Variants in DYSF observed in about 807,000 individuals in gnomAD.
DYSF encodes dysferlin.
A neutral mutation model predicts 274.9 loss-of-function variants in DYSF; 212 were observed. The observed-to-expected ratio is 0.77, with a 90% CI of 0.69 to 0.86. The LOEUF (loss-of-function observed/expected upper bound fraction) is 0.86. DYSF is among the 40% of genes least tolerant of loss of function. DYSF has a pLI of 0.00. For missense variants in DYSF, 2,666 were observed against 2,783.2 expected (o/e 0.96, Z 0.95); for synonymous variants, 1,091 against 1,078.7 (o/e 1.01, Z -0.22).
chr2:71,536,503 T>C (rs2152762866), intron 16 of DYSF, among the ~76,000 whole-genome samples: 2 of 152,348 alleles, frequency 1.3e-5, no homozygotes, highest in Middle Eastern at 3.4e-3. Context: ...TCATCTCCGC[T>C]CTCCATGTGT....
At position 71,601,492 on chromosome 2, in the gene DYSF, A is replaced by C. The variant is rs1574281542; in HGVS notation, c.3898-7A>C. ...ACATGACCAGAGCTCTCTTTTCTTC[A>C]CTCCAGCCGGCCATCCACCATATTC... On this transcript the variant is annotated splice_region_variant and splice_polypyrimidine_tract_variant and intron_variant, in intron 34 of 55. Coordinates refer to ENST00000410020, the MANE Select transcript of DYSF (RefSeq NM_001130987.2). 1 of 1,613,416 alleles carries C rather than the reference A, an allele frequency of 6.2e-7. No individual in the cohort carries two copies. The highest frequency in any genetic ancestry group is 1.6e-4 in the Middle Eastern group (1 of 6,062).
At chr2:71,522,131 G>T (rs1001435882) in intron 12 of DYSF, among the ~76,000 whole-genome samples, 3 of 151,712 alleles carry the variant, frequency 2.0e-5, no homozygotes, top group Admixed American at 2.0e-4. Flanking sequence ...CCTTCTCCAT[G>T]ATCTGTACCA....
chr2:71,548,626 C>G (rs1056715395), intron 17 of DYSF, among the ~76,000 whole-genome samples: 3 of 152,304 alleles, frequency 2.0e-5, no homozygotes, highest in African/African-American at 7.2e-5. Context: ...CAGAGCATTT[C>G]CTTCCGTGCT....
intron 41 of DYSF, among the ~76,000 whole-genome samples, chr2:71,633,867 C>T (rs1265987654): frequency 2.0e-5 from 3 of 152,178 alleles, no homozygotes; most frequent in Non-Finnish European, 2.9e-5. Context: ...TGCTTCCTGA[C>T]TTCACAGAAA....
At chr2:71,529,519 G>A (rs1332743737) in intron 14 of DYSF, among the ~76,000 whole-genome samples, 1 of 152,242 alleles carries the variant, frequency 6.6e-6, no homozygotes, top group East Asian at 1.9e-4. Context: ...ACTCAGAGTA[G>A]TTGATGTTCT....
intron 16 of DYSF, among the ~76,000 whole-genome samples, chr2:71,538,492 C>G (rs1479842683): frequency 1.3e-5 from 2 of 152,196 alleles, no homozygotes; most frequent in Non-Finnish European, 2.9e-5. Flanking sequence ...TGGGCTTGCC[C>G]TTCCTCTCCT....
At chr2:71,672,922 G>T (rs551033550) in intron 51 of DYSF, among the ~76,000 whole-genome samples, 1 of 152,228 alleles carries the variant, frequency 6.6e-6, no homozygotes, top group Non-Finnish European at 1.5e-5. Flanking sequence ...GGCCGTGGCT[G>T]GGTGCTTTGC....
At chr2:71,660,769 C>T in intron 45 of DYSF, 118 bp downstream of exon 45, 1 of 881,282 alleles carries the variant, frequency 1.1e-6, no homozygotes, top group South Asian at 1.4e-5. Flanking sequence ...AAACTGTATT[C>T]CTTAAATCTT....
At chr2:71,570,910 C>T (rs1434143170) in intron 29 of DYSF, 169 bp downstream of exon 29, 17 of 942,366 alleles carry the variant, frequency 1.8e-5, no homozygotes, top group African/African-American at 1.7e-4. Flanking sequence ...ACCCAAAGAT[C>T]ACACCCAGCA....
intron 46 of DYSF, 33 bp from the exon 47 acceptor site, chr2:71,665,129 G>A (rs770513026): frequency 1.2e-5 from 20 of 1,612,312 alleles, no homozygotes; most frequent in South Asian, 1.1e-5. Context: ...TGTCCTTGAA[G>A]CATCTCATCT....
At position 71,551,158 on chromosome 2, in the gene DYSF, T is replaced by A. The variant is rs398123771; in HGVS notation, c.1692+2T>A. On this transcript the variant is annotated splice_donor_variant, in intron 18 of 55. Coordinates refer to ENST00000410020, the MANE Select transcript of DYSF (RefSeq NM_001130987.2). LOFTEE classifies it high-confidence loss of function. ...TACACAGAGCTCAACACAGGCAAGG[T>A]AAGCCGGCTGGAGCCCTGGCAAGGG... 6.2e-7 allele frequency: 1 copy of A among 1,613,910 alleles called. No individual in the cohort carries two copies. The highest frequency in any genetic ancestry group is 1.3e-5 in the African/African-American group (1 of 74,918).
At chr2:71,686,296 C>T (rs528151508) in intron 55 of DYSF, among the ~76,000 whole-genome samples, 158 bp from the exon 56 acceptor site, 1 of 152,270 alleles carries the variant, frequency 6.6e-6, no homozygotes, top group South Asian at 2.1e-4. Context: ...GAGGGCGAGG[C>T]GTGGGCAGGT....
chr2:71,674,315 A>G lies in DYSF; in HGVS notation c.5884+19A>G. On this transcript the variant is annotated intron_variant, in intron 52 of 55. Coordinates refer to ENST00000410020, the MANE Select transcript of DYSF (RefSeq NM_001130987.2). ...TTTCTGGGTAAGCGCTATTGCTAGA[A>G]TCCCATTCTGCACATGGGGGCTGCC... The G allele has an allele frequency of 6.2e-7, 1 of 1,610,752 alleles. No individual in the cohort carries two copies. Among genetic ancestry groups the G allele is most frequent in the Non-Finnish European group, 8.5e-7 (1 of 1,176,902 alleles).
intron 41 of DYSF, among the ~76,000 whole-genome samples, chr2:71,633,051 C>G (rs979865382): frequency 2.0e-5 from 3 of 152,206 alleles, no homozygotes; most frequent in Admixed American, 2.0e-4. Context: ...TGATCCCCTC[C>G]ACAGATGAGG....
At chr2:71,516,614 A>T (rs940491415) in intron 9 of DYSF, among the ~76,000 whole-genome samples, 2 of 152,276 alleles carry the variant, frequency 1.3e-5, no homozygotes, top group African/African-American at 4.8e-5. Flanking sequence ...TTGTTAATCC[A>T]CGTGCCTGCT....
intron 30 of DYSF, among the ~76,000 whole-genome samples, chr2:71,577,429 A>G (rs2092742115): frequency 6.7e-6 from 1 of 149,880 alleles, no homozygotes; most frequent in Admixed American, 6.6e-5. Flanking sequence ...CACCTACACA[A>G]TCACACTCTC....
At chr2:71,558,541 C>G (rs760569990) in intron 22 of DYSF, among the ~76,000 whole-genome samples, 11 of 152,324 alleles carry the variant, frequency 7.2e-5, no homozygotes, top group African/African-American at 1.9e-4. Flanking sequence ...GGGTTCTACC[C>G]GTGGCCCTGC....
intron 55 of DYSF, among the ~76,000 whole-genome samples, chr2:71,685,682 C>T (rs1020638564): frequency 6.6e-6 from 1 of 152,210 alleles, no homozygotes; most frequent in Non-Finnish European, 1.5e-5. Flanking sequence ...CAGCTTCCCC[C>T]TCAGAGCCAG....
intron 41 of DYSF, among the ~76,000 whole-genome samples, chr2:71,620,888 G>C (rs1283642474): frequency 6.6e-6 from 1 of 152,134 alleles, no homozygotes; most frequent in Non-Finnish European, 1.5e-5. Flanking sequence ...GCATGGGCCA[G>C]TGGAAGCGGG....
Sources: allele counts gnomAD v4.1 joint callset (sites outside exome capture counted in the v4.1 genomes callset), GRCh38; gene constraint gnomAD v4.1.1; transcripts MANE v1.5; gene names NCBI Gene and HGNC (gene_info 2026-07-23, HGNC 2026-07-21).